The following RORA variants were observed in gnomAD, a reference collection of about 807,000 sequenced individuals.
The protein encoded by RORA is RAR related orphan receptor A.
In RORA, 7 loss-of-function variants were observed where a neutral mutation model predicts 69.5. That is an observed-to-expected ratio of 0.10 (90% confidence interval 0.06 to 0.19). RORA has a LOEUF of 0.19. Ranked by LOEUF, RORA falls within the 10% of genes least tolerant of loss-of-function variation. The pLI is 1.00. For synonymous variants in RORA, 261 were observed against 240.8 expected (o/e 1.08, Z -0.78); for missense variants, 457 against 663.0 (o/e 0.69, Z 3.41).
chr15:60,744,778 T>C (rs1228593402), intron 1 of RORA, among the ~76,000 whole-genome samples: 1 of 152,244 alleles, frequency 6.6e-6, no homozygotes, highest in African/African-American at 2.4e-5. Context: ...CTGAGACTGA[T>C]TCTGCCCAGG....
At chr15:61,224,030 T>C (rs1372761977) in intron 1 of RORA, among the ~76,000 whole-genome samples, 1 of 145,512 alleles carries the variant, frequency 6.9e-6, no homozygotes, top group Non-Finnish European at 1.5e-5. Flanking sequence ...CACTAAAAAA[T>C]GATAGAAGAG....
intron 2 of RORA, among the ~76,000 whole-genome samples, chr15:60,544,531 C>T (rs774762343): frequency 9.2e-5 from 14 of 151,912 alleles, no homozygotes; most frequent in South Asian, 8.3e-4. Context: ...TACTATGAAA[C>T]GAAGAGAATT....
chr15:60,673,792 C>A, intron 2 of RORA, among the ~76,000 whole-genome samples: 1 of 152,250 alleles, frequency 6.6e-6, no homozygotes, highest in Non-Finnish European at 1.5e-5. Flanking sequence ...AGTCTGTAAA[C>A]GCCTGGAAGG....
intron 1 of RORA, among the ~76,000 whole-genome samples, chr15:60,859,991 A>G (rs2073421619): frequency 6.6e-6 from 1 of 152,130 alleles, no homozygotes; most frequent in Non-Finnish European, 1.5e-5. Context: ...GCTGCTTTCA[A>G]AGAAACCACA....
At chr15:60,590,175 ATCTC>A (rs56192812) in intron 2 of RORA, among the ~76,000 whole-genome samples, 2,129 of 146,790 alleles carry the variant, frequency 0.015, 29 homozygotes, top group South Asian at 0.057. Flanking sequence ...CTCTTCCTCT[ATCTC>A]TCTCTCTCTC....
At chr15:60,745,166 A>G (rs1049984464) in intron 1 of RORA, among the ~76,000 whole-genome samples, 13 of 152,152 alleles carry the variant, frequency 8.5e-5, no homozygotes, top group Admixed American at 1.3e-4. Context: ...AAAGAAACCG[A>G]ATGAGACAGC....
chr15:60,786,518 G>A (rs1348249079), intron 1 of RORA, among the ~76,000 whole-genome samples: 1 of 152,202 alleles, frequency 6.6e-6, no homozygotes, highest in East Asian at 1.9e-4. Context: ...CAGGCAGGTG[G>A]GAAGACAGAG....
At chr15:60,826,767 CTCT>C (rs2072966903) in intron 1 of RORA, among the ~76,000 whole-genome samples, 3 of 64,898 alleles carry the variant, frequency 4.6e-5, no homozygotes, top group South Asian at 6.0e-4. Flanking sequence ...CTCTCTCTCC[CTCT>C]CTCTCTCTCT....
At chr15:60,946,314 A>C (rs1203377426) in intron 1 of RORA, among the ~76,000 whole-genome samples, 1 of 151,900 alleles carries the variant, frequency 6.6e-6, no homozygotes, top group Non-Finnish European at 1.5e-5. Flanking sequence ...CCCTCTGATG[A>C]CGAGCCGAAG....
chr15:60,716,052 G>T (rs1188191506), intron 1 of RORA, among the ~76,000 whole-genome samples: 2 of 151,912 alleles, frequency 1.3e-5, no homozygotes, highest in African/African-American at 2.4e-5. Context: ...AGTTTAATGT[G>T]CATACGAATT....
At chr15:61,038,932 C>T (rs1480660028) in intron 1 of RORA, 1 of 152,244 alleles carries the variant, frequency 6.6e-6, no homozygotes, top group East Asian at 1.9e-4. Context: ...GGATGCCTTG[C>T]TGCTGCTCTT....
chr15:60,929,867 G>A (rs1214722664), intron 1 of RORA, among the ~76,000 whole-genome samples: 1 of 152,138 alleles, frequency 6.6e-6, no homozygotes, highest in Non-Finnish European at 1.5e-5. Context: ...AGGAGCCCAG[G>A]AATGTGTATT....
At chr15:60,971,368 C>T (rs867379074) in intron 1 of RORA, among the ~76,000 whole-genome samples, 13 of 152,306 alleles carry the variant, frequency 8.5e-5, no homozygotes, top group African/African-American at 2.9e-4. Context: ...TTGCTGGTGT[C>T]TCCCATGGCC....
chr15:60,504,475 A>T (rs1180016528), intron 6 of RORA, among the ~76,000 whole-genome samples: 2 of 152,178 alleles, frequency 1.3e-5, no homozygotes, highest in South Asian at 4.1e-4. Context: ...TGAACCCGGG[A>T]GGCGGAGGTT....
At chr15:60,684,745 A>T (rs951986096) in intron 1 of RORA, among the ~76,000 whole-genome samples, 2 of 152,156 alleles carry the variant, frequency 1.3e-5, no homozygotes, top group Non-Finnish European at 2.9e-5. Flanking sequence ...TAATGAACAA[A>T]GTCTTGAATT....
intron 1 of RORA, among the ~76,000 whole-genome samples, chr15:60,706,973 C>T (rs1235874644): frequency 6.6e-6 from 1 of 152,208 alleles, no homozygotes; most frequent in Non-Finnish European, 1.5e-5. Context: ...ACTTACCTAG[C>T]TCAGGAGAAG....
At chr15:61,168,883 T>G (rs2079561490) in intron 1 of RORA, among the ~76,000 whole-genome samples, 1 of 152,180 alleles carries the variant, frequency 6.6e-6, no homozygotes, top group African/African-American at 2.4e-5. Flanking sequence ...TCTGACAGCC[T>G]AAATGAGATC....
At chr15:60,891,418 A>G (rs894894283) in intron 1 of RORA, among the ~76,000 whole-genome samples, 12 of 152,214 alleles carry the variant, frequency 7.9e-5, no homozygotes, top group Non-Finnish European at 2.9e-5. Flanking sequence ...GCAGGAACAG[A>G]GAAGCATCCA....
At chr15:60,983,250 C>G (rs968321368) in intron 1 of RORA, among the ~76,000 whole-genome samples, 1 of 152,322 alleles carries the variant, frequency 6.6e-6, no homozygotes, top group African/African-American at 2.4e-5. Context: ...AACAATAAAA[C>G]AGAGATCTTA....
Sources: gnomAD v4.1 joint callset for allele counts (sites outside exome capture counted in the v4.1 genomes callset) on GRCh38, gnomAD v4.1.1 for gene constraint, MANE v1.5 for transcripts, NCBI Gene and HGNC (gene_info 2026-07-23, HGNC 2026-07-21) for gene names.